Variants in CELF2 observed in about 807,000 individuals in gnomAD.
CELF2 encodes the protein CUG triplet repeat RNA-binding protein 2.
CELF2 carries 8 observed loss-of-function variants against 62.6 expected under a neutral mutation model. The ratio of observed to expected loss-of-function variants is 0.13; its 90% confidence interval spans 0.07 to 0.23. CELF2 has a LOEUF of 0.23. CELF2 is among the 10% of genes least tolerant of loss of function. The pLI, the probability that CELF2 is intolerant of heterozygous loss-of-function variation, is 1.00. For missense variants in CELF2, 333 were observed against 671.0 expected (o/e 0.50, Z 5.56); for synonymous variants, 258 against 250.0 (o/e 1.03, Z -0.30).
the CELF2 span, among the ~76,000 whole-genome samples, chr10:10,721,023 G>C: frequency 1.3e-5 from 2 of 152,246 alleles, no homozygotes; most frequent in South Asian, 2.1e-4. Context: ...AGCCACATTA[G>C]ACAGGTGATG....
At chr10:11,044,179 T>C (rs1593889376) in intron 1 of CELF2, among the ~76,000 whole-genome samples, 1 of 152,336 alleles carries the variant, frequency 6.6e-6, no homozygotes, top group East Asian at 1.9e-4. Context: ...CTTTATCCCC[T>C]TCATCGCATT....
rs1001402999 is a variant in CELF2 at position 11,255,267 on chromosome 10, G to A, written c.404-2471G>A. ...TCCCTCCCAGGAATTGGAGCCCGGG[G>A]TGCCTGTTGCCCATGTCTCCTCCGA... On this transcript the variant is annotated intron_variant, in intron 4 of 12. Transcript: ENST00000633077. The surrounding 1 kb of genome is among the most constrained non-coding windows in gnomAD (Gnocchi z 5.5). Among the ~76,000 whole-genome samples the A allele has an allele frequency of 2.0e-5, 3 of 152,164 alleles. No homozygotes were observed. Among genetic ancestry groups the A allele is most frequent in the Non-Finnish European group, 2.9e-5 (2 of 68,022 alleles).
upstream of CELF2, among the ~76,000 whole-genome samples, chr10:11,015,084 G>A (rs1051507180): frequency 3.3e-5 from 5 of 152,252 alleles, no homozygotes; most frequent in Middle Eastern, 6.8e-3. This position sits in a 1 kb window ranked among gnomAD's most constrained non-coding sequence, Gnocchi z 4.8. Flanking sequence ...CATTGAACCC[G>A]AGCGTTCAAC....
the CELF2 span, among the ~76,000 whole-genome samples, chr10:10,650,681 T>C: frequency 3.3e-5 from 5 of 152,256 alleles, no homozygotes; most frequent in South Asian, 1.0e-3. Flanking sequence ...AAATAAGAAA[T>C]GTGTGCAAGA....
chr10:11,086,578 T>TAAAAAAAGAAA (rs2046799012), intron 1 of CELF2, among the ~76,000 whole-genome samples: 1 of 71,982 alleles, frequency 1.4e-5, no homozygotes, highest in Admixed American at 2.3e-4. Flanking sequence ...TTGCATTTGT[T>TAAAAAAAGAAA]AAAAAAAAAA....
Position 11,223,195 on chromosome 10 carries a change from G to C in CELF2, c.354+5688G>C, listed in dbSNP as rs187197432. On this transcript the variant is annotated intron_variant, in intron 3 of 12. Coordinates refer to ENST00000633077, the MANE Select transcript of CELF2 (RefSeq NM_001326342.2). This position sits in a 1 kb window ranked among gnomAD's most constrained non-coding sequence, Gnocchi z 5.1. ...CTTGAGAAATGGCCGTGCGATGATGGTGAGCTCTGCTTCCCAGCATCCTCA... is the reference window on the plus strand; with the variant it reads ...CTTGAGAAATGGCCGTGCGATGATGCTGAGCTCTGCTTCCCAGCATCCTCA... Among the ~76,000 whole-genome samples, 138 of 152,314 alleles carry C rather than the reference G, an allele frequency of 9.1e-4. No homozygotes were observed. Among genetic ancestry groups the C allele is most frequent in the African/African-American group, 3.2e-3 (132 of 41,570 alleles).
chr10:11,094,801 A>T (rs190397499), intron 1 of CELF2, among the ~76,000 whole-genome samples: 8 of 152,308 alleles, frequency 5.3e-5, no homozygotes, highest in Admixed American at 2.6e-4. Flanking sequence ...CATCGAATGA[A>T]CACATATGAG....
chr10:11,109,276 A>G (rs1266109830), intron 1 of CELF2, among the ~76,000 whole-genome samples: 3 of 152,070 alleles, frequency 2.0e-5, no homozygotes, highest in African/African-American at 7.2e-5. Flanking sequence ...GTGTGTTGCT[A>G]CCTTTATATG....
intron 1 of CELF2, among the ~76,000 whole-genome samples, chr10:11,028,545 G>A (rs1232966457): frequency 6.6e-6 from 1 of 150,420 alleles, no homozygotes; most frequent in African/African-American, 2.5e-5. Context: ...TCAGCCTCCC[G>A]AGTAGCTGGG....
intron 10 of CELF2, chr10:11,320,763 G>A: frequency 5.4e-6 from 7 of 1,304,606 alleles, no homozygotes; most frequent in South Asian, 4.0e-5. Context: ...CTATCCCATA[G>A]TTCCTCAAAG....
At chr10:10,953,659 T>C (rs1295744058) in intron 2 of CELF2, among the ~76,000 whole-genome samples, 2 of 152,136 alleles carry the variant, frequency 1.3e-5, no homozygotes, top group African/African-American at 2.4e-5. Flanking sequence ...GAAGGAACCA[T>C]GGGAGAATTC....
At chr10:10,548,667 G>A in the CELF2 span, among the ~76,000 whole-genome samples, 1 of 152,070 alleles carries the variant, frequency 6.6e-6, no homozygotes, top group Non-Finnish European at 1.5e-5. Context: ...TTTAGAAAAT[G>A]CTTCAAGGTT....
intron 1 of CELF2, among the ~76,000 whole-genome samples, chr10:11,027,647 G>T (rs540870172): frequency 9.2e-5 from 14 of 152,314 alleles, no homozygotes; most frequent in Admixed American, 8.5e-4. Flanking sequence ...GACTTGCCCT[G>T]TATGTCGTAG....
the CELF2 span, among the ~76,000 whole-genome samples, chr10:10,790,864 C>T: frequency 3.3e-5 from 5 of 152,070 alleles, no homozygotes; most frequent in Non-Finnish European, 5.9e-5. Flanking sequence ...TAGAAGATGC[C>T]CTTTCTGTAA....
intron 8 of CELF2, among the ~76,000 whole-genome samples, chr10:11,282,685 C>T (rs2134363): frequency 0.1 from 15,671 of 152,296 alleles, 897 homozygotes; most frequent in Middle Eastern, 0.18. Context: ...ACTTCAGTCG[C>T]ACTTTACACT....
chr10:10,758,548 A>G, the CELF2 span, among the ~76,000 whole-genome samples: 1 of 151,384 alleles, frequency 6.6e-6, no homozygotes, highest in African/African-American at 2.4e-5. Context: ...TTGGTGTCCC[A>G]TTACAGAGCC....
chr10:10,997,864 G>T lies in CELF2; in HGVS notation c.89+77865G>T, dbSNP rs1246561076. Among the ~76,000 whole-genome samples, 1 of 152,068 alleles carries T rather than the reference G, an allele frequency of 6.6e-6. No homozygotes were observed. Among genetic ancestry groups the T allele is most frequent in the Non-Finnish European group, 1.5e-5 (1 of 68,006 alleles). On this transcript the variant is annotated intron_variant, in intron 2 of 13. Coordinates refer to the CELF2 transcript ENST00000636488. This position sits in a 1 kb window ranked among gnomAD's most constrained non-coding sequence, Gnocchi z 5.3. Reference sequence around the variant, plus strand: ...TGAGTCCATGCTTCATGCTTGATATGGTTTGGCTCTGTATCCCCACCCAAA... The same window carrying T: ...TGAGTCCATGCTTCATGCTTGATATTGTTTGGCTCTGTATCCCCACCCAAA...
chr10:10,662,617 A>G, the CELF2 span, among the ~76,000 whole-genome samples: 1 of 152,206 alleles, frequency 6.6e-6, no homozygotes, highest in Non-Finnish European at 1.5e-5. Flanking sequence ...TTTGTAGTAA[A>G]AGTGACCCCC....
At chr10:10,566,397 T>A in the CELF2 span, among the ~76,000 whole-genome samples, 1 of 146,092 alleles carries the variant, frequency 6.8e-6, no homozygotes, top group Non-Finnish European at 1.5e-5. Context: ...GAAAGGCACT[T>A]AGGGATTTTT....
Sources: gnomAD v4.1 joint callset for allele counts (sites outside exome capture counted in the v4.1 genomes callset) on GRCh38, gnomAD v4.1.1 for gene constraint, Gnocchi (gnomAD v3.1) non-coding constraint, MANE v1.5 for transcripts, NCBI Gene and HGNC (gene_info 2026-07-23, HGNC 2026-07-21) for gene names.